Variants in CAMK2A observed in about 807,000 individuals in gnomAD.
The protein encoded by CAMK2A is calcium/calmodulin-dependent protein kinase type II subunit alpha.
A neutral mutation model predicts 79.2 loss-of-function variants in CAMK2A; 7 were observed. That is an observed-to-expected ratio of 0.09 (90% CI 0.05 to 0.17). The LOEUF (loss-of-function observed/expected upper bound fraction) is 0.17, where lower values mean the gene tolerates loss of function less well. Among genes scored for constraint, CAMK2A ranks in the 10% least tolerant of loss-of-function variants. The pLI is 1.00. For synonymous variants in CAMK2A, 242 were observed against 251.7 expected, an observed-to-expected ratio of 0.96 and a Z score of 0.36; for missense variants, 214 against 646.4, an observed-to-expected ratio of 0.33 and a Z score of 7.25.
At chr5:150,224,918 T>C (rs1343516347) in intron 17 of CAMK2A, among the ~76,000 whole-genome samples, 1 of 151,996 alleles carries the variant, frequency 6.6e-6, no homozygotes, top group Non-Finnish European at 1.5e-5. Flanking sequence ...TCCAACAGTT[T>C]AGGAGACTGA....
At chr5:150,242,761 T>C (rs1755405019) in intron 13 of CAMK2A, among the ~76,000 whole-genome samples, 1 of 152,190 alleles carries the variant, frequency 6.6e-6, no homozygotes, top group Non-Finnish European at 1.5e-5. Context: ...AAAATGCACC[T>C]GGACCCCCAG....
chr5:150,257,685 C>T (rs1452186240), intron 3 of CAMK2A, 68 bp from the exon 4 acceptor site: 2 of 1,272,330 alleles, frequency 1.6e-6, no homozygotes, highest in African/African-American at 1.5e-5. Flanking sequence ...CTCCCTCTCT[C>T]CCCTCCCGTG....
chr5:150,233,251 A>C (rs1754920923), intron 15 of CAMK2A, among the ~76,000 whole-genome samples: 1 of 152,222 alleles, frequency 6.6e-6, no homozygotes, highest in South Asian at 2.1e-4. Flanking sequence ...ACAGATGAGC[A>C]AACTGAAGGT....
In CAMK2A at chr5:150,255,032, G is replaced by A. The variant is rs191381620; in HGVS notation, c.412-1486C>T. ...GACCCAAACAAATATAGCTCCCTCC[G>A]CCTGGCTCAAAGGCCTCCTTTGTCC... On this transcript the variant is annotated intron_variant, in intron 6 of 18. Coordinates refer to ENST00000671881, the MANE Select transcript of CAMK2A (RefSeq NM_015981.4). Among the ~76,000 whole-genome samples, 81 of 152,124 alleles carry A rather than the reference G, an allele frequency of 5.3e-4. 1 individual carries two copies. Among genetic ancestry groups the A allele is most frequent in the Admixed American group, 4.8e-3 (74 of 15,262 alleles).
At chr5:150,250,935 A>G (rs1755805163) in intron 9 of CAMK2A, 125 bp from the exon 10 acceptor site, 1 of 1,119,138 alleles carries the variant, frequency 8.9e-7, no homozygotes. Flanking sequence ...CATCCACACC[A>G]GGAGGAGTTG....
In CAMK2A at chr5:150,221,668, T is replaced by C. The variant is rs1754314470; in HGVS notation, c.*1042A>G. 3 of 393,742 alleles carry C rather than the reference T, an allele frequency of 7.6e-6. No homozygotes were observed. In the Admixed American group the frequency reaches 1.4e-4, roughly 18 times the overall value. 24.4% of individuals were successfully genotyped at this position (393,742 alleles called of 1,614,324 possible). Reference sequence around the variant, plus strand: ...GTGTCAGCTCACCTTGGGACCGAAATGGCAGAGAGGCCCTTCTCCCCGGAG... The same window carrying C: ...GTGTCAGCTCACCTTGGGACCGAAACGGCAGAGAGGCCCTTCTCCCCGGAG... On this transcript the variant is annotated 3_prime_UTR_variant, in exon 19 of 19. Coordinates refer to ENST00000671881, the MANE Select transcript of CAMK2A (RefSeq NM_015981.4).
At chr5:150,240,816 C>A (rs1361930489) in intron 13 of CAMK2A, among the ~76,000 whole-genome samples, 1 of 152,220 alleles carries the variant, frequency 6.6e-6, no homozygotes, top group Non-Finnish European at 1.5e-5. Flanking sequence ...CACAGTCAGA[C>A]CCTCTCCAAA....
chr5:150,288,607 C>A (rs571259530), intron 1 of CAMK2A, among the ~76,000 whole-genome samples: 33 of 152,322 alleles, frequency 2.2e-4, no homozygotes, highest in African/African-American at 7.5e-4. Flanking sequence ...GGCCCCTCCC[C>A]CCGTGCTCCT....
chr5:150,248,579 T>C (rs535821863), intron 11 of CAMK2A, among the ~76,000 whole-genome samples: 112 of 146,504 alleles, frequency 7.6e-4, no homozygotes, highest in Non-Finnish European at 1.1e-3. Context: ...AGTGAGAACA[T>C]GCGCTGTTTG....
At chr5:150,255,458 G>T (rs1218702343) in intron 6 of CAMK2A, among the ~76,000 whole-genome samples, 2 of 152,246 alleles carry the variant, frequency 1.3e-5, no homozygotes, top group African/African-American at 4.8e-5. Flanking sequence ...ATCACACTCC[G>T]GGAGGACCGT....
Position 150,220,644 on chromosome 5 carries a change from C to T in CAMK2A, c.*2066G>A, listed in dbSNP as rs1417146496. On this transcript the variant is annotated 3_prime_UTR_variant, in exon 19 of 19. Transcript: ENST00000671881. ...CTCAAAAGGGGACAGGTGGTTTTGC[C>T]CCTGGGATAATGGGATCACTGGGCC... is the stretch of plus-strand genomic sequence containing the variant. 1 of 152,248 alleles carries T rather than the reference C, an allele frequency of 6.6e-6. No individual in the cohort carries two copies. The highest frequency in any genetic ancestry group is 1.5e-5 in the Non-Finnish European group (1 of 68,050). 9.4% of individuals were successfully genotyped at this position (152,248 alleles called of 1,614,324 possible).
intron 17 of CAMK2A, among the ~76,000 whole-genome samples, chr5:150,225,559 C>G (rs1424897745): frequency 6.6e-6 from 1 of 152,120 alleles, no homozygotes; most frequent in East Asian, 1.9e-4. Context: ...CATCGCTGAG[C>G]CTTTACAGTT....
intron 12 of CAMK2A, chr5:150,245,445 TTCATGGGTTGAGGGAGGTG>T: frequency 1.8e-6 from 1 of 549,704 alleles, no homozygotes; most frequent in South Asian, 2.2e-5. Flanking sequence ...ACCCTCTGGC[TTCATGGGTTGAGGGAGGTG>T]TCCAACATGT....
chr5:150,220,636 G>A lies in CAMK2A; in HGVS notation c.*2074C>T, dbSNP rs548048677. On this transcript the variant is annotated 3_prime_UTR_variant, in exon 19 of 19. Transcript: ENST00000671881. Reference sequence around the variant, plus strand: ...ACTGGCAGCTCAAAAGGGGACAGGTGGTTTTGCCCCTGGGATAATGGGATC... The same window carrying A: ...ACTGGCAGCTCAAAAGGGGACAGGTAGTTTTGCCCCTGGGATAATGGGATC... 3.9e-5 allele frequency: 6 copies of A among 152,448 alleles called. No homozygotes were observed. In the South Asian group the frequency reaches 1.2e-3, roughly 32 times the overall value. 9.4% of individuals were successfully genotyped at this position (152,448 alleles called of 1,614,324 possible).
chr5:150,247,966 A>G (rs1755648249), intron 11 of CAMK2A, 152 bp from the exon 12 acceptor site: 2 of 660,186 alleles, frequency 3.0e-6, no homozygotes, highest in East Asian at 5.5e-5. Flanking sequence ...CATTTGTCCC[A>G]ACCCCAACCC....
chr5:150,285,338 A>C (rs561781200), intron 1 of CAMK2A, among the ~76,000 whole-genome samples: 2 of 152,274 alleles, frequency 1.3e-5, no homozygotes, highest in African/African-American at 4.8e-5. Flanking sequence ...TGCCGGCCCC[A>C]AAGTGCTGTG....
intron 12 of CAMK2A, chr5:150,245,404 G>C: frequency 1.7e-6 from 1 of 596,844 alleles, no homozygotes; most frequent in Non-Finnish European, 3.0e-6. Context: ...GACTGCCTGG[G>C]TTCCCCGCCT....
At chr5:150,238,776 A>T in intron 14 of CAMK2A, 28 bp from the exon 15 acceptor site, 1 of 1,579,012 alleles carries the variant, frequency 6.3e-7, no homozygotes, top group Non-Finnish European at 8.6e-7. Context: ...GGAGATGGTG[A>T]GGCCTGCCTG....
In CAMK2A at chr5:150,250,700, G is replaced by A; in HGVS notation, c.804C>T (p.His268=). ...KRITAAEALK[H]PWISHRSTVA... ...GAGGAAGGCTCACCGAGATCCAGGG[G>A]TGCTTAAGGGCTTCGGCAGCTGTGA... is the stretch of plus-strand genomic sequence containing the variant. The change falls in exon 10 of 19, where the codon CAC becomes CAT. Residue 268 remains histidine, a synonymous_variant. Coordinates refer to ENST00000671881, the MANE Select transcript of CAMK2A (RefSeq NM_015981.4). 6.2e-7 allele frequency: 1 copy of A among 1,614,154 alleles called. No individual in the cohort carries two copies.
Sources: gnomAD v4.1 joint callset for allele counts (sites outside exome capture counted in the v4.1 genomes callset) on GRCh38, gnomAD v4.1.1 for gene constraint, MANE v1.5 for transcripts, NCBI Gene and HGNC (gene_info 2026-07-23, HGNC 2026-07-21) for gene names.